Variants in RALGPS2 observed in about 807,000 individuals in gnomAD.
RALGPS2 encodes the protein Ral GEF with PH domain and SH3 binding motif 2.
In RALGPS2, 43 loss-of-function variants were observed where a neutral mutation model predicts 86.8. The ratio of observed to expected loss-of-function variants is 0.50; its 90% confidence interval spans 0.39 to 0.64. The LOEUF (loss-of-function observed/expected upper bound fraction) is 0.64. Among genes scored for constraint, RALGPS2 ranks in the 30% least tolerant of loss-of-function variants. RALGPS2 has a pLI of 0.00. For synonymous variants in RALGPS2, 243 were observed against 231.3 expected, an observed-to-expected ratio of 1.05 and a Z score of -0.46; for missense variants, 536 against 694.6, an observed-to-expected ratio of 0.77 and a Z score of 2.57.
chr1:178,862,422 A>G (rs1028510326), intron 8 of RALGPS2, among the ~76,000 whole-genome samples: 2 of 151,762 alleles, frequency 1.3e-5, no homozygotes, highest in African/African-American at 4.9e-5. Flanking sequence ...ATATAGTTGG[A>G]AAGCCTCTTA....
chr1:178,737,498 G>A (rs1371576195), intron 1 of RALGPS2, among the ~76,000 whole-genome samples: 3 of 151,948 alleles, frequency 2.0e-5, no homozygotes, highest in Admixed American at 6.6e-5. Context: ...CACCTGCCTC[G>A]GCTTCCCAAA....
chr1:178,821,207 A>T (rs930670785), intron 6 of RALGPS2, among the ~76,000 whole-genome samples: 4 of 152,220 alleles, frequency 2.6e-5, no homozygotes, highest in African/African-American at 7.2e-5. Flanking sequence ...TGGGAAACCA[A>T]ATCAGAATCC....
rs778179592 is a variant in RALGPS2 at position 178,916,280 on chromosome 1, C to CCT, written c.1723-49_1723-48dup. 28 of 1,440,682 alleles carry CCT rather than the reference C, an allele frequency of 1.9e-5. No homozygotes were observed. In the South Asian group the frequency reaches 3.1e-4, roughly 16 times the overall value. The allele number at this position is 1,440,682 out of a possible 1,614,324, so 89.2% of individuals were successfully genotyped here. A position where few individuals can be genotyped will look rare whatever the true frequency, so the allele number is the denominator to read the frequency against. On this transcript the variant is annotated intron_variant, in intron 19 of 19. Coordinates refer to ENST00000367635, the MANE Select transcript of RALGPS2 (RefSeq NM_152663.5). ...ATAACAAGGAAAGATAAGAAATACT[C>CCT]CTTTGAAAAACAACTTTTAAACTCA...
chr1:178,877,093 A>G (rs569648216), intron 8 of RALGPS2, among the ~76,000 whole-genome samples: 2 of 152,302 alleles, frequency 1.3e-5, no homozygotes, highest in East Asian at 3.9e-4. Flanking sequence ...GAAAATGGAT[A>G]CTTGCATAGG....
chr1:178,869,799 T>G (rs183654224), intron 8 of RALGPS2, among the ~76,000 whole-genome samples: 1 of 152,246 alleles, frequency 6.6e-6, no homozygotes, highest in African/African-American at 2.4e-5. Context: ...CTAACAAACT[T>G]AAGTGTCTTT....
At chr1:178,856,426 T>G (rs1271110381) in intron 8 of RALGPS2, among the ~76,000 whole-genome samples, 2 of 121,286 alleles carry the variant, frequency 1.6e-5, no homozygotes, top group Admixed American at 1.7e-4. Flanking sequence ...TTTTTTTTTT[T>G]GAGAGATGAG....
At chr1:178,756,939 C>T (rs1239333655) in intron 1 of RALGPS2, among the ~76,000 whole-genome samples, 1 of 151,988 alleles carries the variant, frequency 6.6e-6, no homozygotes, top group African/African-American at 2.4e-5. Context: ...GAATGCTTAC[C>T]CATTTGTTTG....
chr1:178,879,397 T>G (rs1281001757), intron 10 of RALGPS2: 1 of 154,314 alleles, frequency 6.5e-6, no homozygotes, highest in African/African-American at 2.4e-5. Context: ...TTTCATTGTT[T>G]TTGCGGATTG....
chr1:178,838,907 G>T (rs1656430285), intron 8 of RALGPS2, among the ~76,000 whole-genome samples: 1 of 152,066 alleles, frequency 6.6e-6, no homozygotes, highest in African/African-American at 2.4e-5. Flanking sequence ...TGGAAGAAAG[G>T]GTATCAGTGA....
In RALGPS2 at chr1:178,833,537, C is replaced by T; in HGVS notation, c.594C>T (p.Cys198=). 1 of 1,531,786 alleles carries T rather than the reference C, an allele frequency of 6.5e-7. No individual in the cohort carries two copies. The highest frequency in any genetic ancestry group is 8.7e-7 in the Non-Finnish European group (1 of 1,151,050). 94.9% of individuals were successfully genotyped at this position (1,531,786 alleles called of 1,614,324 possible). A position where few individuals can be genotyped will look rare whatever the true frequency, so the allele number is the denominator to read the frequency against. The change falls in exon 8 of 20, where the codon TGC becomes TGT. Residue 198 remains cysteine, a synonymous_variant. Coordinates refer to ENST00000367635, the MANE Select transcript of RALGPS2 (RefSeq NM_152663.5). ...TAAGTAGCTTAAAGATGACACCTTG[C>T]ATTCCCTATTTAGGTGAGTTATGTC... is the stretch of plus-strand genomic sequence containing the variant. ...DYISSLKMTP[C]IPYLGIYLSD...
At chr1:178,878,370 A>T (rs1041241838) in intron 9 of RALGPS2, among the ~76,000 whole-genome samples, 1 of 152,186 alleles carries the variant, frequency 6.6e-6, no homozygotes, top group East Asian at 1.9e-4. Flanking sequence ...TGCTTCATGC[A>T]TCTATACTTT....
At chr1:178,785,302 GTGAC>G (rs1239073465) in intron 3 of RALGPS2, among the ~76,000 whole-genome samples, 3 of 151,866 alleles carry the variant, frequency 2.0e-5, no homozygotes, top group South Asian at 2.1e-4. Flanking sequence ...ATAATTTAAT[GTGAC>G]TGTCCAAATT....
intron 6 of RALGPS2, among the ~76,000 whole-genome samples, 167 bp from the exon 7 acceptor site, chr1:178,821,445 A>G (rs970282584): frequency 7.9e-5 from 12 of 152,216 alleles, no homozygotes; most frequent in Non-Finnish European, 1.2e-4. Flanking sequence ...TTGTGCACCA[A>G]AATAACTTAG....
intron 1 of RALGPS2, among the ~76,000 whole-genome samples, chr1:178,763,958 A>G (rs558108070): frequency 6.6e-6 from 1 of 152,050 alleles, no homozygotes; most frequent in African/African-American, 2.4e-5. Flanking sequence ...GATGAGAAGA[A>G]TGTATATTCT....
chr1:178,795,094 C>T (rs181272914), intron 4 of RALGPS2, among the ~76,000 whole-genome samples: 6 of 151,684 alleles, frequency 4.0e-5, no homozygotes, highest in Admixed American at 3.9e-4. Context: ...ACACAAGAAT[C>T]GCTTGAACCA....
chr1:178,829,488 T>C (rs1242249688), intron 7 of RALGPS2, among the ~76,000 whole-genome samples: 1 of 152,120 alleles, frequency 6.6e-6, no homozygotes, highest in Non-Finnish European at 1.5e-5. Flanking sequence ...AGGATCTAGG[T>C]TGTGTGCTCC....
chr1:178,726,116 A>C (rs1649985409), intron 1 of RALGPS2: 1 of 152,280 alleles, frequency 6.6e-6, no homozygotes, highest in South Asian at 2.1e-4. Flanking sequence ...CTAGAAAAAA[A>C]AGGAGATTCC....
At chr1:178,811,473 C>T (rs765292116) in intron 6 of RALGPS2, 69 bp downstream of exon 6, 38 of 1,096,252 alleles carry the variant, frequency 3.5e-5, no homozygotes, top group African/African-American at 8.3e-5. Flanking sequence ...AATAAATATT[C>T]GTGATGCTTT....
intron 1 of RALGPS2, among the ~76,000 whole-genome samples, chr1:178,762,026 G>A (rs1652268700): frequency 6.6e-6 from 1 of 152,224 alleles, no homozygotes. Flanking sequence ...CCACCCTCAA[G>A]TAGGCCCTGG....
Sources: allele counts gnomAD v4.1 joint callset (sites outside exome capture counted in the v4.1 genomes callset), GRCh38; gene constraint gnomAD v4.1.1; transcripts MANE v1.5; gene names NCBI Gene and HGNC (gene_info 2026-07-23, HGNC 2026-07-21).